SPEF2: variants seen among roughly 807,000 people sequenced by gnomAD.
SPEF2 encodes the protein sperm flagella and cilia-associated protein 2.
In SPEF2, 187 loss-of-function variants were observed where a neutral mutation model predicts 224.6. That is an observed-to-expected ratio of 0.83 (90% CI 0.74 to 0.94). The LOEUF is 0.94. SPEF2 is among the 40% of genes least tolerant of loss of function. The pLI, the probability that SPEF2 is intolerant of heterozygous loss-of-function variation, is 0.00. For synonymous variants in SPEF2, 715 were observed against 707.3 expected (o/e 1.01, Z -0.17); for missense variants, 2,170 against 2,135.6 (o/e 1.02, Z -0.32).
chr5:35,702,385 T>C (rs899546086), intron 16 of SPEF2: 26 of 449,336 alleles, frequency 5.8e-5, no homozygotes, highest in Middle Eastern at 6.9e-4. Flanking sequence ...GGAATGGCCA[T>C]TGTGAGAGTA....
chr5:35,735,212 A>C (rs1746374246), intron 21 of SPEF2, among the ~76,000 whole-genome samples: 1 of 152,176 alleles, frequency 6.6e-6, no homozygotes, highest in African/African-American at 2.4e-5. Flanking sequence ...ATGACCACTT[A>C]GTGAATAATT....
intron 34 of SPEF2, among the ~76,000 whole-genome samples, chr5:35,803,183 A>T (rs1263724153): frequency 6.6e-6 from 1 of 152,200 alleles, no homozygotes; most frequent in South Asian, 2.1e-4. Flanking sequence ...AGGAAAGCAG[A>T]CATTGCAGGC....
intron 33 of SPEF2, 105 bp downstream of exon 33, chr5:35,795,900 C>A: frequency 1.1e-6 from 1 of 937,454 alleles, no homozygotes; most frequent in Non-Finnish European, 1.7e-6. Flanking sequence ...CCCTGCCCCT[C>A]AATTCCTCTG....
At chr5:35,720,593 T>C (rs759355048) in intron 20 of SPEF2, among the ~76,000 whole-genome samples, 3 of 152,210 alleles carry the variant, frequency 2.0e-5, no homozygotes, top group South Asian at 4.1e-4. Context: ...GAAACATGAT[T>C]GACAAAGAAG....
chr5:35,693,062 C>T (rs1007437727), intron 12 of SPEF2, among the ~76,000 whole-genome samples: 81 of 152,114 alleles, frequency 5.3e-4, no homozygotes, highest in African/African-American at 1.8e-3. Flanking sequence ...AAGGAAAGAG[C>T]CACTAGCTGG....
At chr5:35,746,972 C>G (rs537063710) in intron 23 of SPEF2, among the ~76,000 whole-genome samples, 23 of 152,312 alleles carry the variant, frequency 1.5e-4, no homozygotes, top group African/African-American at 5.3e-4. Context: ...CAGCTGATTT[C>G]TCAGCAGAAA....
At chr5:35,694,429 G>A (rs1485890709) in intron 13 of SPEF2, 66 bp downstream of exon 13, 3 of 1,376,732 alleles carry the variant, frequency 2.2e-6, no homozygotes, top group Non-Finnish European at 3.1e-6. Context: ...GCACATATAT[G>A]TGAGCACAAA....
intron 36 of SPEF2, chr5:35,807,523 C>A (rs1388485372): frequency 1.9e-6 from 2 of 1,036,038 alleles, no homozygotes; most frequent in Non-Finnish European, 2.8e-6. Context: ...CATGTAATGA[C>A]CCTAGCCTGT....
chr5:35,768,625 C>T (rs923426168), intron 26 of SPEF2, among the ~76,000 whole-genome samples: 21 of 152,028 alleles, frequency 1.4e-4, no homozygotes, highest in Admixed American at 1.0e-3. Flanking sequence ...CTTATCTCTA[C>T]GTTAAGAAAT....
intron 23 of SPEF2, among the ~76,000 whole-genome samples, chr5:35,745,534 G>A (rs574619825): frequency 7.8e-5 from 10 of 128,434 alleles, no homozygotes; most frequent in African/African-American, 2.9e-4. Context: ...GCGTGAGGCT[G>A]TGACTGCCAG....
At chr5:35,704,496 C>A in intron 16 of SPEF2, 58 bp from the exon 17 acceptor site, 2 of 1,094,394 alleles carry the variant, frequency 1.8e-6, no homozygotes, top group Non-Finnish European at 2.7e-6. Context: ...TATATTTTAG[C>A]AGTAAGTAGC....
chr5:35,634,506 T>G (rs1008764379), intron 2 of SPEF2, among the ~76,000 whole-genome samples: 1 of 150,818 alleles, frequency 6.6e-6, no homozygotes, highest in East Asian at 2.0e-4. Context: ...CTACTGCAGT[T>G]CATTGAGCTT....
intron 1 of SPEF2, among the ~76,000 whole-genome samples, chr5:35,624,423 C>T (rs1743938743): frequency 6.6e-6 from 1 of 152,090 alleles, no homozygotes. Flanking sequence ...TCTTTTTCCC[C>T]CTACAAAATT....
intron 10 of SPEF2, among the ~76,000 whole-genome samples, chr5:35,685,533 C>A (rs910151496): frequency 6.6e-6 from 1 of 152,042 alleles, no homozygotes; most frequent in African/African-American, 2.4e-5. Context: ...ACAAACTTTT[C>A]TTACTTCAAG....
chr5:35,664,118 G>A (rs1038820964), intron 8 of SPEF2, among the ~76,000 whole-genome samples: 6 of 152,032 alleles, frequency 3.9e-5, no homozygotes, highest in Non-Finnish European at 8.8e-5. Context: ...GCCCCTTCTT[G>A]TCTAGGTCAG....
At chr5:35,676,237 G>T in intron 10 of SPEF2, among the ~76,000 whole-genome samples, 1 of 152,062 alleles carries the variant, frequency 6.6e-6, no homozygotes, top group East Asian at 1.9e-4. Flanking sequence ...CCTCTTCCAA[G>T]CTCCCTCCTC....
intron 10 of SPEF2, among the ~76,000 whole-genome samples, chr5:35,682,626 A>G (rs774938986): frequency 3.3e-5 from 5 of 152,240 alleles, no homozygotes; most frequent in Non-Finnish European, 7.3e-5. Context: ...ACTCCTCTAA[A>G]AAAGCCACCT....
intron 30 of SPEF2, chr5:35,791,657 C>T (rs74492091): frequency 6.6e-6 from 1 of 151,976 alleles, no homozygotes; most frequent in East Asian, 1.9e-4. Flanking sequence ...TTTCTTAATG[C>T]TTGTGCATGC....
At chr5:35,792,058 C>T (rs919842926) in intron 30 of SPEF2, among the ~76,000 whole-genome samples, 3 of 151,858 alleles carry the variant, frequency 2.0e-5, no homozygotes, top group Non-Finnish European at 4.4e-5. Flanking sequence ...TCAAAGAAGA[C>T]TCTAAACTAA....
Sources: allele counts gnomAD v4.1 joint callset (sites outside exome capture counted in the v4.1 genomes callset), GRCh38; gene constraint gnomAD v4.1.1; transcripts MANE v1.5; gene names NCBI Gene and HGNC (gene_info 2026-07-23, HGNC 2026-07-21).